RPS17: variants seen among roughly 807,000 people sequenced by gnomAD.
The protein encoded by RPS17 is ribosomal protein S17.
For missense variants in RPS17, 68 were observed against 182.3 expected, an observed-to-expected ratio of 0.37 and a Z score of 3.61; for synonymous variants, 75 against 65.6, an observed-to-expected ratio of 1.14 and a Z score of -0.70.
At chr15:82,537,612 C>CA (rs2034263753) in intron 4 of RPS17, 1 of 340,042 alleles carries the variant, frequency 2.9e-6, no homozygotes, top group Admixed American at 4.2e-5. Context: ...TTAGTTTCAA[C>CA]AAAAATGCTG....
intron 3 of RPS17, chr15:82,538,625 GC>G (rs1259953501): frequency 1.5e-6 from 1 of 646,052 alleles, no homozygotes; most frequent in Non-Finnish European, 2.8e-6. Context: ...TATATTAGGG[GC>G]AAACAATCGA....
intron 4 of RPS17, chr15:82,537,424 A>C (rs2034260393): frequency 3.7e-6 from 1 of 268,374 alleles, no homozygotes; most frequent in African/African-American, 2.2e-5. Context: ...GGTAAGAGCT[A>C]TTACTAATCT....
At chr15:82,537,535 G>A (rs959292977) in intron 4 of RPS17, 8 of 316,964 alleles carry the variant, frequency 2.5e-5, no homozygotes, top group South Asian at 2.2e-4. Context: ...TGGTAGGCAG[G>A]GCAAGAAGCC....
chr15:82,538,451 T>C (rs2034278343), intron 3 of RPS17, 80 bp from the exon 4 acceptor site: 2 of 1,481,346 alleles, frequency 1.4e-6, no homozygotes, highest in Non-Finnish European at 1.9e-6. Context: ...CCCAGGTTCT[T>C]AAATATGGGG....
chr15:82,540,370 A>G, intron 1 of RPS17, 56 bp downstream of exon 1: 2 of 1,588,150 alleles, frequency 1.3e-6, no homozygotes, highest in South Asian at 1.1e-5. Context: ...GGACCGCGGG[A>G]AGCTGCAGAT....
At chr15:82,540,331 T>A in intron 1 of RPS17, 95 bp downstream of exon 1, 1 of 1,580,650 alleles carries the variant, frequency 6.3e-7, no homozygotes, top group South Asian at 1.1e-5. Context: ...CTCTGCGCCT[T>A]CCCGGCCCAG....
In RPS17 at chr15:82,540,438, T is replaced by A. The variant is rs1022843158; in HGVS notation, c.-10A>T. Reference sequence around the variant, plus strand: ...CCAAAACACCTACCATGTTGGCGGGTCCTTGGTAAAAGAGGAAACAGGAAG... The same window carrying A: ...CCAAAACACCTACCATGTTGGCGGGACCTTGGTAAAAGAGGAAACAGGAAG... On this transcript the variant is annotated 5_prime_UTR_variant, in exon 1 of 5. Transcript: ENST00000647841. 1.9e-5 allele frequency: 30 copies of A among 1,592,888 alleles called. No homozygotes were observed. The highest frequency in any genetic ancestry group is 2.5e-5 in the Non-Finnish European group (29 of 1,171,226).
chr15:82,538,563 C>G (rs981687274), intron 3 of RPS17, 192 bp from the exon 4 acceptor site: 1 of 717,378 alleles, frequency 1.4e-6, no homozygotes, highest in African/African-American at 1.8e-5. Flanking sequence ...CCTTCCCATG[C>G]CCTCATTCAG....
chr15:82,539,971 C>G lies in RPS17; in HGVS notation c.155+10G>C. 1.9e-6 allele frequency: 3 copies of G among 1,612,056 alleles called. No homozygotes were observed. Among genetic ancestry groups the G allele is most frequent in the South Asian group, 1.1e-5 (1 of 90,990 alleles). The stretch of plus-strand genomic sequence containing the variant: ...GCGGAGCCCCGGAGGCCGAGGAAGG[C>G]CCGACTCACCCTGCTATCTTGTTGC... On this transcript the variant is annotated intron_variant, in intron 2 of 4. Coordinates refer to ENST00000647841, the MANE Select transcript of RPS17 (RefSeq NM_001021.6).
chr15:82,538,026 G>C lies in RPS17; in HGVS notation c.327+280C>G, dbSNP rs946196048. ...AGATTCAGCCAGGGCTGACACAAAG[G>C]GGGCAACGTAAGCCAGCTATAAAAC... On this transcript the variant is annotated intron_variant, in intron 4 of 4. Coordinates refer to ENST00000647841, the MANE Select transcript of RPS17 (RefSeq NM_001021.6). 126 of 505,478 alleles carry C rather than the reference G, an allele frequency of 2.5e-4. 2 individuals are homozygous for C. The highest frequency in any genetic ancestry group is 1.3e-3 in the South Asian group (85 of 64,956). The allele number at this position is 505,478 out of a possible 1,614,324, so 31.3% of individuals were successfully genotyped here.
Position 82,538,333 on chromosome 15 carries a change from A to G in RPS17, c.300T>C (p.Pro100=). 1 of 1,613,150 alleles carries G rather than the reference A, an allele frequency of 6.2e-7. No homozygotes were observed. Among genetic ancestry groups the G allele is most frequent in the Non-Finnish European group, 8.5e-7 (1 of 1,179,800 alleles). The part of the protein sequence containing the change: ...ALDQEIIEVD[P]DTKEMLKLLD... ...AAAGCTTCAGCATTTCCTTAGTGTC[A>G]GGATCTACTTCAATAATCTCCTGAT... The change falls in exon 4 of 5, where the codon CCT becomes CCC. Residue 100 remains proline, a synonymous_variant. Coordinates refer to ENST00000647841, the MANE Select transcript of RPS17 (RefSeq NM_001021.6).
chr15:82,537,919 T>A (rs974829450), intron 4 of RPS17: 1 of 458,564 alleles, frequency 2.2e-6, no homozygotes. Flanking sequence ...GCCTTGTATG[T>A]ACCTGGAAAT....
At chr15:82,538,786 G>T (rs2034285734) in intron 3 of RPS17, 94 bp downstream of exon 3, 1 of 1,294,152 alleles carries the variant, frequency 7.7e-7, no homozygotes, top group South Asian at 1.2e-5. Flanking sequence ...TGGATTAAAG[G>T]TCTCAGATTC....
intron 3 of RPS17, 35 bp downstream of exon 3, chr15:82,538,845 G>A (rs1020407017): frequency 0.024 from 38,333 of 1,602,858 alleles, 515 homozygotes; most frequent in Non-Finnish European, 0.028. Flanking sequence ...ATCATTTGAG[G>A]ATTAGCCAGA....
At chr15:82,539,091 A>T (rs2034293447) in intron 2 of RPS17, 106 bp from the exon 3 acceptor site, 1 of 1,152,092 alleles carries the variant, frequency 8.7e-7, no homozygotes. Context: ...TCTTTTCCAC[A>T]GTGAGAAGGA....
intron 2 of RPS17, chr15:82,539,582 G>C (rs2034306447): frequency 2.4e-6 from 1 of 420,502 alleles, no homozygotes; most frequent in Non-Finnish European, 4.7e-6. Context: ...CCAGCTACTG[G>C]GAAGGCTGAG....
Position 82,536,814 on chromosome 15 carries a change from C to T in RPS17, c.395G>A (p.Arg132Gln). 1 of 1,613,956 alleles carries T rather than the reference C, an allele frequency of 6.2e-7. No individual in the cohort carries two copies. The highest frequency in any genetic ancestry group is 8.5e-7 in the Non-Finnish European group (1 of 1,179,864). The change falls in exon 5 of 5, where the codon CGG (arginine) becomes CAG (glutamine). Residue 132 changes from arginine (R) to glutamine (Q), a missense_variant. Arg to Gln is a conservative substitution (Grantham distance 43, BLOSUM62 1). Coordinates refer to ENST00000647841, the MANE Select transcript of RPS17 (RefSeq NM_001021.6). ...PTVGMNFKTP[R>Q]GPV ...TACAGAAAAAATTCAAACAGGTCCC[C>T]GAGGCGTTTTGAAATTCATCCCAAC... is the stretch of plus-strand genomic sequence containing the variant.
chr15:82,538,499 G>A (rs2034279106), intron 3 of RPS17, 128 bp from the exon 4 acceptor site: 1 of 1,076,070 alleles, frequency 9.3e-7, no homozygotes, highest in East Asian at 2.5e-5. Context: ...CTCTCACAAG[G>A]TGAGCAGTCT....
At chr15:82,537,702 G>A in intron 4 of RPS17, 1 of 370,920 alleles carries the variant, frequency 2.7e-6, no homozygotes, top group South Asian at 2.1e-5. Flanking sequence ...TTCTGAAGCT[G>A]GGAAAGTACA....
Sources: gnomAD v4.1 joint callset for allele counts on GRCh38, gnomAD v4.1.1 for gene constraint, MANE v1.5 for transcripts, NCBI Gene and HGNC (gene_info 2026-07-23, HGNC 2026-07-21) for gene names.